The following SIAH1 variants were observed in gnomAD, a reference collection of about 807,000 sequenced individuals.
SIAH1 encodes the protein E3 ubiquitin-protein ligase SIAH1.
SIAH1 carries 2 observed loss-of-function variants against 20.0 expected under a neutral mutation model. The ratio of observed to expected loss-of-function variants is 0.10; its 90% CI spans 0.04 to 0.31. The LOEUF is 0.31. Among genes scored for constraint, SIAH1 ranks in the 10% least tolerant of loss-of-function variants. The probability of loss-of-function intolerance (pLI) is 1.00; values close to 1 mark genes in which losing one functional copy is unlikely to be tolerated. For synonymous variants in SIAH1, 118 were observed against 125.3 expected (o/e 0.94, Z 0.39); for missense variants, 119 against 355.3 (o/e 0.33, Z 5.35).
At chr16:48,375,832 AAACTGCAG>A (rs1423291978) in intron 1 of SIAH1, among the ~76,000 whole-genome samples, 1 of 152,230 alleles carries the variant, frequency 6.6e-6, no homozygotes, top group African/African-American at 2.4e-5. Context: ...AAGGACATCC[AAACTGCAG>A]AATGTAGTTT....
intron 1 of SIAH1, among the ~76,000 whole-genome samples, chr16:48,376,684 AAC>A (rs1190494720): frequency 6.6e-6 from 1 of 152,058 alleles, no homozygotes; most frequent in East Asian, 1.9e-4. Context: ...TTTAAAAGTT[AAC>A]AAAATTTATG....
chr16:48,380,988 G>T (rs948469144), intron 1 of SIAH1, among the ~76,000 whole-genome samples: 4 of 148,348 alleles, frequency 2.7e-5, no homozygotes, highest in African/African-American at 1.0e-4. Flanking sequence ...AAATCCGGCC[G>T]AGGATACAGA....
At chr16:48,371,034 A>C (rs1013275722) in intron 1 of SIAH1, among the ~76,000 whole-genome samples, 3 of 151,804 alleles carry the variant, frequency 2.0e-5, no homozygotes, top group African/African-American at 7.3e-5. Context: ...GAATCGCTTG[A>C]ACCCGGGAGG....
intron 1 of SIAH1, among the ~76,000 whole-genome samples, chr16:48,374,691 G>C (rs1479916566): frequency 6.6e-6 from 1 of 152,126 alleles, no homozygotes; most frequent in East Asian, 1.9e-4. Flanking sequence ...ATGTGAGGTA[G>C]CATTAGCAGT....
chr16:48,361,528 T>A lies in SIAH1; in HGVS notation c.*52A>T. On this transcript the variant is annotated 3_prime_UTR_variant, in exon 2 of 2. Transcript: ENST00000394725. Reference sequence around the variant, plus strand: ...TTGGCAGACAGATGGGTGCCTTATTTTCTGTGAAACTGAAGTTTTAAACAC... The same window carrying A: ...TTGGCAGACAGATGGGTGCCTTATTATCTGTGAAACTGAAGTTTTAAACAC... The A allele has an allele frequency of 6.3e-7, 1 of 1,586,258 alleles. No individual in the cohort carries two copies. Among genetic ancestry groups the A allele is most frequent in the South Asian group, 1.1e-5 (1 of 90,210 alleles).
At chr16:48,370,262 T>G (rs74017938) in intron 1 of SIAH1, among the ~76,000 whole-genome samples, 1 of 152,186 alleles carries the variant, frequency 6.6e-6, no homozygotes, top group African/African-American at 2.4e-5. Flanking sequence ...ACATTACTCT[T>G]GTAACTCCTT....
rs894005339 is a variant in SIAH1 at position 48,385,190 on chromosome 16, C to T, written c.-3+14G>A. 1 of 307,992 alleles carries T rather than the reference C, an allele frequency of 3.2e-6. No individual in the cohort carries two copies. The highest frequency in any genetic ancestry group is 7.0e-6 in the Non-Finnish European group (1 of 143,846). 19.1% of individuals were successfully genotyped at this position (307,992 alleles called of 1,614,324 possible). A position where few individuals can be genotyped will look rare whatever the true frequency, so the allele number is the denominator to read the frequency against. Reference sequence around the variant, plus strand: ...CTCGCCGCCGGCTCCTCCCTCAGGCCGGGCCCCACTTACCTGTGGGCGGAG... The same window carrying T: ...CTCGCCGCCGGCTCCTCCCTCAGGCTGGGCCCCACTTACCTGTGGGCGGAG... On this transcript the variant is annotated intron_variant, in intron 1 of 1. Coordinates refer to ENST00000394725, the MANE Select transcript of SIAH1 (RefSeq NM_003031.4).
intron 1 of SIAH1, among the ~76,000 whole-genome samples, chr16:48,367,666 AAC>A (rs1274179618): frequency 1.3e-5 from 2 of 152,246 alleles, no homozygotes; most frequent in Non-Finnish European, 2.9e-5. Context: ...GATTCCAAGA[AAC>A]ACACTCCAAA....
At chr16:48,383,953 A>G (rs946469820) in intron 1 of SIAH1, among the ~76,000 whole-genome samples, 2 of 152,232 alleles carry the variant, frequency 1.3e-5, no homozygotes, top group African/African-American at 4.8e-5. Flanking sequence ...CACTGCTTTC[A>G]GTCCACCTAT....
At chr16:48,372,293 T>A (rs1180497955) in intron 1 of SIAH1, among the ~76,000 whole-genome samples, 2 of 152,190 alleles carry the variant, frequency 1.3e-5, no homozygotes, top group African/African-American at 4.8e-5. Flanking sequence ...ATAGTTACAA[T>A]CTATGTTGAC....
At chr16:48,369,575 C>CA (rs796831649) in intron 1 of SIAH1, among the ~76,000 whole-genome samples, 127 of 151,786 alleles carry the variant, frequency 8.4e-4, no homozygotes, top group Admixed American at 3.0e-3. Flanking sequence ...CTCATCTCCA[C>CA]AAAAAAAATA....
chr16:48,364,197 C>T (rs1183234845), intron 1 of SIAH1, among the ~76,000 whole-genome samples: 3 of 152,106 alleles, frequency 2.0e-5, no homozygotes, highest in Non-Finnish European at 4.4e-5. Flanking sequence ...GCCTCGGCCT[C>T]CCAAAGTGCT....
chr16:48,385,003 G>A (rs1344263300), intron 1 of SIAH1, among the ~76,000 whole-genome samples: 1 of 147,716 alleles, frequency 6.8e-6, no homozygotes, highest in Non-Finnish European at 1.5e-5. Context: ...GGCTTGCGAA[G>A]GCTGAAGGCA....
Position 48,385,295 on chromosome 16 carries a change from TC to T in SIAH1, c.-95del. Reference sequence around the variant, plus strand: ...CACCGCGGGCAGCGCCACCGCCTCTTCCCGGCGCCGAGACCGACGGGACACC... The same window carrying T: ...CACCGCGGGCAGCGCCACCGCCTCTTCCGGCGCCGAGACCGACGGGACACC... On this transcript the variant is annotated 5_prime_UTR_variant, in exon 1 of 2. Coordinates refer to ENST00000394725, the MANE Select transcript of SIAH1 (RefSeq NM_003031.4). The T allele has an allele frequency of 3.6e-6, 1 of 280,440 alleles. No homozygotes were observed. Among genetic ancestry groups the T allele is most frequent in the Non-Finnish European group, 7.7e-6 (1 of 130,098 alleles). 17.4% of individuals were successfully genotyped at this position (280,440 alleles called of 1,614,324 possible).
intron 1 of SIAH1, among the ~76,000 whole-genome samples, chr16:48,378,220 G>C (rs1192020125): frequency 6.6e-6 from 1 of 152,188 alleles, no homozygotes; most frequent in Non-Finnish European, 1.5e-5. Flanking sequence ...AAGTGTGGTG[G>C]TGCATGCCTG....
chr16:48,371,017 G>A (rs1960971825), intron 1 of SIAH1, among the ~76,000 whole-genome samples: 1 of 151,660 alleles, frequency 6.6e-6, no homozygotes, highest in South Asian at 2.1e-4. Context: ...CGGAAGCTGA[G>A]GCATAAGAAT....
intron 1 of SIAH1, among the ~76,000 whole-genome samples, chr16:48,374,876 G>A (rs1961066555): frequency 6.6e-6 from 1 of 152,148 alleles, no homozygotes; most frequent in Non-Finnish European, 1.5e-5. Context: ...AACTAAATTA[G>A]GAATGTAGGA....
At chr16:48,384,910 TC>T (rs1204884428) in intron 1 of SIAH1, among the ~76,000 whole-genome samples, 2 of 140,900 alleles carry the variant, frequency 1.4e-5, no homozygotes, top group Non-Finnish European at 3.2e-5. Flanking sequence ...CCGAGGCCCT[TC>T]CCCCGCCCTC....
chr16:48,370,498 T>C (rs80079034), intron 1 of SIAH1, among the ~76,000 whole-genome samples: 6,068 of 152,304 alleles, frequency 0.04, 167 homozygotes, highest in Middle Eastern at 0.071. Context: ...TGACCAAAGT[T>C]AGACATTTAT....
Sources: gnomAD v4.1 joint callset for allele counts (sites outside exome capture counted in the v4.1 genomes callset) on GRCh38, gnomAD v4.1.1 for gene constraint, MANE v1.5 for transcripts, NCBI Gene and HGNC (gene_info 2026-07-23, HGNC 2026-07-21) for gene names.